Variants in PLXDC1 observed in about 807,000 individuals in gnomAD.
The protein encoded by PLXDC1 is plexin domain containing 1.
In PLXDC1, 39 loss-of-function variants were observed where a neutral mutation model predicts 61.3. The observed-to-expected ratio is 0.64, with a 90% CI of 0.49 to 0.83. PLXDC1 has a LOEUF of 0.83. PLXDC1 is among the 40% of genes least tolerant of loss of function. The pLI, the probability that PLXDC1 is intolerant of heterozygous loss-of-function variation, is 0.00. For missense variants in PLXDC1, 596 were observed against 666.5 expected (o/e 0.89, Z 1.17); for synonymous variants, 212 against 254.5 (o/e 0.83, Z 1.59).
At chr17:39,094,523 C>T (rs1161229991) in intron 7 of PLXDC1, among the ~76,000 whole-genome samples, 2 of 151,774 alleles carry the variant, frequency 1.3e-5, no homozygotes, top group African/African-American at 4.8e-5. Flanking sequence ...GAGTCTACAA[C>T]TCCCTGAGCA....
intron 12 of PLXDC1, chr17:39,072,202 GA>G (rs1909145762): frequency 1.3e-5 from 7 of 549,378 alleles, no homozygotes; most frequent in Non-Finnish European, 2.3e-5. Flanking sequence ...AGAGAGCCAG[GA>G]GAAGAACCAC....
At chr17:39,152,843 T>C (rs2045383561), upstream of PLXDC1, 2 of 506,092 alleles carry the variant, frequency 4.0e-6, no homozygotes, top group Admixed American at 4.4e-5. Context: ...CTCTAATCTC[T>C]TAGAACGCCG....
intron 2 of PLXDC1, among the ~76,000 whole-genome samples, chr17:39,122,634 T>C (rs3025168): frequency 2.0e-5 from 3 of 152,256 alleles, no homozygotes; most frequent in Middle Eastern, 3.4e-3. Context: ...GCAGTGAACC[T>C]TCCCAAGGAA....
At position 39,098,170 on chromosome 17, in the gene PLXDC1, A is replaced by G. The variant is rs1331913485; in HGVS notation, c.811+7684T>C. ...CAGTGAGCCGAGATTGCGCCATTGC[A>G]CTCCAGCCTGGGCAACAAGAGTGAA... On this transcript the variant is annotated intron_variant, in intron 7 of 13. Transcript: ENST00000315392. Among the ~76,000 whole-genome samples, 27 of 138,444 alleles carry G rather than the reference A, an allele frequency of 2.0e-4. No homozygotes were observed. In the Admixed American group the frequency reaches 2.2e-3, roughly 12 times the overall value. 90.8% of individuals were successfully genotyped at this position (138,444 alleles called of 152,430 possible).
intron 2 of PLXDC1, among the ~76,000 whole-genome samples, chr17:39,122,521 A>G (rs1911197794): frequency 6.6e-6 from 1 of 152,146 alleles, no homozygotes. Flanking sequence ...GCCGCAAGAT[A>G]GCAGGAACCT....
rs538756813 is a variant in PLXDC1 at position 39,063,702 on chromosome 17, G to T, written c.*4138C>A. 1.8e-4 allele frequency: 93 copies of T among 529,530 alleles called. No individual in the cohort carries two copies. The Middle Eastern group carries it at 2.8e-3, about 16-fold the overall frequency. 32.8% of individuals were successfully genotyped at this position (529,530 alleles called of 1,614,324 possible). On this transcript the variant is annotated 3_prime_UTR_variant, in exon 14 of 14. Transcript: ENST00000315392. ...ACATGAATACATTGTGTTTTAGAAGGCTGGGTGCCCTCAGTCCCCAGATCT... is the reference window on the plus strand; with the variant it reads ...ACATGAATACATTGTGTTTTAGAAGTCTGGGTGCCCTCAGTCCCCAGATCT...
chr17:39,150,797 C>T (rs1185089199), intron 1 of PLXDC1, among the ~76,000 whole-genome samples: 1 of 152,196 alleles, frequency 6.6e-6, no homozygotes, highest in African/African-American at 2.4e-5. Flanking sequence ...CAAGTTGCTT[C>T]TTCCTGGGCC....
At chr17:39,082,534 C>A (rs1391915502) in intron 9 of PLXDC1, among the ~76,000 whole-genome samples, 1 of 148,178 alleles carries the variant, frequency 6.7e-6, no homozygotes, top group Non-Finnish European at 1.5e-5. Context: ...CATTGTACTC[C>A]AGCCTGGGCA....
chr17:39,137,529 A>C (rs1911793227), intron 2 of PLXDC1: 1 of 152,258 alleles, frequency 6.6e-6, no homozygotes, highest in African/African-American at 2.4e-5. Context: ...ACTGCACTCC[A>C]GCCTTGGCGA....
chr17:39,097,598 A>G (rs1248031244), intron 7 of PLXDC1, among the ~76,000 whole-genome samples: 2 of 152,062 alleles, frequency 1.3e-5, no homozygotes, highest in Non-Finnish European at 2.9e-5. Flanking sequence ...TACTCCACAT[A>G]CAGGCCTTAC....
At chr17:39,072,942 GTTCC>G in intron 11 of PLXDC1, 1 of 165,086 alleles carries the variant, frequency 6.1e-6, no homozygotes. Flanking sequence ...CCTTCCTGTG[GTTCC>G]TTCCCATGCA....
At chr17:39,090,846 T>C (rs1287599461) in intron 7 of PLXDC1, among the ~76,000 whole-genome samples, 2 of 151,718 alleles carry the variant, frequency 1.3e-5, no homozygotes, top group African/African-American at 2.4e-5. Flanking sequence ...ATGGCACGCA[T>C]TGCTTTCTCT....
intron 2 of PLXDC1, among the ~76,000 whole-genome samples, chr17:39,135,676 T>TC (rs774933084): frequency 0.094 from 9,774 of 104,290 alleles, 418 homozygotes; most frequent in East Asian, 0.19. Flanking sequence ...ACACTCCGTC[T>TC]AAAAAAAAAA....
intron 1 of PLXDC1, among the ~76,000 whole-genome samples, chr17:39,145,356 G>A (rs2045333427): frequency 6.6e-6 from 1 of 152,176 alleles, no homozygotes; most frequent in African/African-American, 2.4e-5. Context: ...ACCTCAGGAG[G>A]CCAGGTTGTG....
chr17:39,133,981 G>A (rs956994475), intron 2 of PLXDC1, among the ~76,000 whole-genome samples: 1 of 152,010 alleles, frequency 6.6e-6, no homozygotes, highest in African/African-American at 2.4e-5. Flanking sequence ...AAATAGGCCA[G>A]GTGCAGTGGC....
At chr17:39,071,266 G>A (rs1490834729) in intron 12 of PLXDC1, among the ~76,000 whole-genome samples, 2 of 152,082 alleles carry the variant, frequency 1.3e-5, no homozygotes, top group Non-Finnish European at 2.9e-5. Flanking sequence ...ACACTACCTT[G>A]GGTGGCTATT....
chr17:39,096,106 G>A (rs1910189168), intron 7 of PLXDC1, among the ~76,000 whole-genome samples: 1 of 152,180 alleles, frequency 6.6e-6, no homozygotes, highest in African/African-American at 2.4e-5. Context: ...ACCTGGAATG[G>A]GTGGTTACCG....
intron 7 of PLXDC1, among the ~76,000 whole-genome samples, chr17:39,089,536 T>C (rs987614966): frequency 7.2e-5 from 11 of 152,258 alleles, no homozygotes; most frequent in African/African-American, 2.7e-4. Context: ...TTCTTTGGGC[T>C]ACTTCAGTAT....
intron 8 of PLXDC1, among the ~76,000 whole-genome samples, chr17:39,086,049 G>T (rs1909728299): frequency 6.6e-6 from 1 of 151,848 alleles, no homozygotes; most frequent in Non-Finnish European, 1.5e-5. Flanking sequence ...TCACCGGAGG[G>T]GTGAGAAGTA....
Sources: gnomAD v4.1 joint callset for allele counts (sites outside exome capture counted in the v4.1 genomes callset) on GRCh38, gnomAD v4.1.1 for gene constraint, MANE v1.5 for transcripts, NCBI Gene and HGNC (gene_info 2026-07-23, HGNC 2026-07-21) for gene names.